The following NCOR1 variants were observed in gnomAD, a reference collection of about 807,000 sequenced individuals.
NCOR1 encodes protein phosphatase 1, regulatory subunit 109.
In NCOR1, 63 loss-of-function variants were observed where a neutral mutation model predicts 288.1. The ratio of observed to expected loss-of-function variants is 0.22; its 90% confidence interval spans 0.18 to 0.27. NCOR1 has a LOEUF of 0.27. Among genes scored for constraint, NCOR1 ranks in the 10% least tolerant of loss-of-function variants. NCOR1 has a pLI of 1.00. For missense variants in NCOR1, 2,397 were observed against 3,019.2 expected (o/e 0.79, Z 4.83); for synonymous variants, 1,007 against 1,065.9 (o/e 0.94, Z 1.08).
intron 5 of NCOR1, among the ~76,000 whole-genome samples, chr17:16,162,464 A>AG (rs2081054651): frequency 6.6e-6 from 1 of 151,234 alleles, no homozygotes; most frequent in Non-Finnish European, 1.5e-5. Flanking sequence ...CAGATTTAAA[A>AG]GGAAAAAAAA....
At chr17:16,176,727 T>C (rs2084275768) in intron 3 of NCOR1, among the ~76,000 whole-genome samples, 1 of 152,116 alleles carries the variant, frequency 6.6e-6, no homozygotes, top group South Asian at 2.1e-4. Flanking sequence ...TGTCACTCAA[T>C]TCTGCTATGT....
intron 20 of NCOR1, among the ~76,000 whole-genome samples, chr17:16,100,741 T>C (rs549536455): frequency 7.9e-5 from 12 of 152,404 alleles, no homozygotes; most frequent in East Asian, 5.8e-4. Context: ...AAAGTGGTCA[T>C]AATTATCATT....
At position 16,030,079 on chromosome 17, in the gene NCOR1, G is replaced by T. The variant is rs560423812; in HGVS notation, c.*2217C>A. 12 of 177,484 alleles carry T rather than the reference G, an allele frequency of 6.8e-5. No individual in the cohort carries two copies. In the East Asian group the frequency reaches 1.0e-3, roughly 15 times the overall value. The allele number at this position is 177,484 out of a possible 1,614,324, so 11.0% of individuals were successfully genotyped here. On this transcript the variant is annotated 3_prime_UTR_variant, in exon 46 of 46. Transcript: ENST00000268712. ...GCCTACTGCTGACCAGAAGTCTTAC[G>T]GATAACATAGTCGATTGACACATAT...
intron 22 of NCOR1, chr17:16,087,040 A>T: frequency 3.3e-6 from 2 of 613,998 alleles, no homozygotes; most frequent in Non-Finnish European, 4.9e-6. Context: ...GATGGAACGC[A>T]GAGAAACAAA....
intron 15 of NCOR1, among the ~76,000 whole-genome samples, chr17:16,124,451 AT>A (rs2073634462): frequency 6.6e-6 from 1 of 152,274 alleles, no homozygotes; most frequent in Non-Finnish European, 1.5e-5. Flanking sequence ...TGATGGAAAC[AT>A]TCTACATCAC....
At chr17:16,151,695 T>A in intron 8 of NCOR1, 2 of 1,242,360 alleles carry the variant, frequency 1.6e-6, no homozygotes, top group East Asian at 6.1e-5. Context: ...CCACCTTTTT[T>A]ACTAGCAGAT....
At position 16,092,682 on chromosome 17, in the gene NCOR1, TATATATA is replaced by T. The variant is rs1567959510; in HGVS notation, c.2821-631_2821-625del. On this transcript the variant is annotated intron_variant, in intron 21 of 45. Coordinates refer to ENST00000268712, the MANE Select transcript of NCOR1 (RefSeq NM_006311.4). ...ATATATATATATATATATATATATA[TATATATA>T]TATATATTTTTTTTTTTTTTTTTTT... Among the ~76,000 whole-genome samples the T allele has an allele frequency of 2.4e-3, 50 of 20,988 alleles. 2 individuals are homozygous for T. Among genetic ancestry groups the T allele is most frequent in the Admixed American group, 6.0e-3 (9 of 1,500 alleles). The allele number at this position is 20,988 out of a possible 152,430, so 13.8% of individuals were successfully genotyped here. A position where few individuals can be genotyped will look rare whatever the true frequency, so the allele number is the denominator to read the frequency against.
chr17:16,127,928 T>G (rs1280401745), intron 14 of NCOR1, among the ~76,000 whole-genome samples: 2 of 151,952 alleles, frequency 1.3e-5, no homozygotes, highest in African/African-American at 4.8e-5. Flanking sequence ...CATAGCTTAC[T>G]GCAGCCTCAA....
intron 1 of NCOR1, among the ~76,000 whole-genome samples, chr17:16,214,796 A>T (rs545165816): frequency 3.3e-5 from 5 of 152,334 alleles, no homozygotes; most frequent in African/African-American, 1.2e-4. Context: ...AGAAAACACC[A>T]ACAATAAACG....
intron 21 of NCOR1, 145 bp downstream of exon 21, chr17:16,098,222 T>A: frequency 1.3e-6 from 1 of 780,984 alleles, no homozygotes; most frequent in Non-Finnish European, 2.0e-6. Flanking sequence ...AACTGTATAC[T>A]TAGAATTGGT....
At chr17:16,172,866 G>C (rs1207109318) in intron 3 of NCOR1, among the ~76,000 whole-genome samples, 1 of 152,104 alleles carries the variant, frequency 6.6e-6, no homozygotes, top group African/African-American at 2.4e-5. Context: ...GTAAACTAAT[G>C]CTTTGCAAAG....
In NCOR1 at chr17:16,091,929, C is replaced by T; in HGVS notation, c.2950G>A (p.Asp984Asn). ...EEQRQRQEQI[D>N]LECRSSTSPC... ...CTTGTAGAACTTCTACATTCCAAATCTATCTGTTCTTGTCTCTGCCGCTGC... is the reference window on the plus strand; with the variant it reads ...CTTGTAGAACTTCTACATTCCAAATTTATCTGTTCTTGTCTCTGCCGCTGC... Residue 984 changes from aspartate (D) to asparagine (N), a missense_variant, in exon 22 of 46, where the codon GAT (aspartate) becomes AAT (asparagine). Asp to Asn is a conservative substitution (Grantham distance 23, BLOSUM62 1). This residue lies in a region of NCOR1 where 1,872 missense variants were observed against 2,187.8 expected (regional missense o/e 0.86). Transcript: ENST00000268712. 1 of 1,614,238 alleles carries T rather than the reference C, an allele frequency of 6.2e-7. No individual in the cohort carries two copies. The highest frequency in any genetic ancestry group is 8.5e-7 in the Non-Finnish European group (1 of 1,180,040).
intron 3 of NCOR1, among the ~76,000 whole-genome samples, chr17:16,183,818 C>G (rs1055037857): frequency 1.3e-5 from 2 of 152,160 alleles, no homozygotes; most frequent in African/African-American, 4.8e-5. Flanking sequence ...AGACATCACA[C>G]TTCCTGATTT....
chr17:16,148,006 G>A (rs1399551061), intron 9 of NCOR1, among the ~76,000 whole-genome samples: 2 of 152,130 alleles, frequency 1.3e-5, no homozygotes, highest in Admixed American at 6.5e-5. Context: ...TAGCAGAGAC[G>A]GAGTTTCTCC....
Position 16,068,133 on chromosome 17 carries a change from G to A in NCOR1, c.4514-12C>T, listed in dbSNP as rs200799700. The stretch of plus-strand genomic sequence containing the variant: ...AGAAGAAATTGTAACTGGAAAAAAA[G>A]AGCCAATGCCACAAGTTCTTAAGAA... On this transcript the variant is annotated splice_polypyrimidine_tract_variant and intron_variant, in intron 31 of 45. Coordinates refer to ENST00000268712, the MANE Select transcript of NCOR1 (RefSeq NM_006311.4). The A allele has an allele frequency of 1.3e-6, 2 of 1,577,066 alleles. No homozygotes were observed. The highest frequency in any genetic ancestry group is 4.5e-5 in the East Asian group (2 of 44,004).
At chr17:16,155,456 T>A (rs569272869) in intron 6 of NCOR1, among the ~76,000 whole-genome samples, 2 of 152,280 alleles carry the variant, frequency 1.3e-5, no homozygotes, top group African/African-American at 4.8e-5. Flanking sequence ...CTATACGTAT[T>A]ATTCTTCTGA....
chr17:16,151,106 T>C (rs193055616), intron 8 of NCOR1, among the ~76,000 whole-genome samples: 415 of 151,830 alleles, frequency 2.7e-3, no homozygotes, highest in Non-Finnish European at 5.1e-3. Flanking sequence ...TAAATAATTA[T>C]GTTCTGCTTA....
chr17:16,092,187 T>A (rs1698454909), intron 21 of NCOR1, 129 bp from the exon 22 acceptor site: 1 of 1,178,480 alleles, frequency 8.5e-7, no homozygotes, highest in African/African-American at 1.5e-5. Context: ...TTAATCAAAG[T>A]TATCTTCAAG....
At chr17:16,209,049 G>T (rs1484877173) in intron 1 of NCOR1, among the ~76,000 whole-genome samples, 1 of 152,118 alleles carries the variant, frequency 6.6e-6, no homozygotes, top group Non-Finnish European at 1.5e-5. Flanking sequence ...TATTCTGGGA[G>T]TGGGAAAAGA....
Sources: gnomAD v4.1 joint callset for allele counts (sites outside exome capture counted in the v4.1 genomes callset) on GRCh38, gnomAD v4.1.1 for gene constraint, gnomAD v4.1.1 regional missense constraint, MANE v1.5 for transcripts, NCBI Gene and HGNC (gene_info 2026-07-23, HGNC 2026-07-21) for gene names.